ABLIM2: variants seen among roughly 807,000 people sequenced by gnomAD.
The protein encoded by ABLIM2 is actin-binding LIM protein 2.
ABLIM2 carries 53 observed loss-of-function variants against 97.7 expected under a neutral mutation model. The observed-to-expected ratio is 0.54, with a 90% confidence interval of 0.44 to 0.68. The LOEUF (loss-of-function observed/expected upper bound fraction) is 0.68. Ranked by LOEUF, ABLIM2 falls within the 30% of genes least tolerant of loss-of-function variation. The pLI, the probability that ABLIM2 is intolerant of heterozygous loss-of-function variation, is 0.00. For synonymous variants in ABLIM2, 361 were observed against 345.8 expected, an observed-to-expected ratio of 1.04 and a Z score of -0.49; for missense variants, 835 against 867.2, an observed-to-expected ratio of 0.96 and a Z score of 0.47.
intron 1 of ABLIM2, among the ~76,000 whole-genome samples, chr4:8,143,585 T>G (rs1851352902): frequency 6.6e-6 from 1 of 152,092 alleles, no homozygotes; most frequent in Admixed American, 6.5e-5. Context: ...GGATGTCACC[T>G]CCTTCAGGAA....
At chr4:8,093,887 T>C (rs927371577) in intron 3 of ABLIM2, among the ~76,000 whole-genome samples, 1 of 152,266 alleles carries the variant, frequency 6.6e-6, no homozygotes, top group South Asian at 2.1e-4. Flanking sequence ...CATTTGTTTA[T>C]AGTTTTCACC....
rs143227813 is a variant in ABLIM2 at position 8,140,043 on chromosome 4, G to C, written c.10+18637C>G. Among the ~76,000 whole-genome samples, 1 of 146,912 alleles carries C rather than the reference G, an allele frequency of 6.8e-6. No homozygotes were observed. Among genetic ancestry groups the C allele is most frequent in the African/African-American group, 2.5e-5 (1 of 39,568 alleles). On this transcript the variant is annotated intron_variant, in intron 1 of 20. Transcript: ENST00000447017. This position sits in a 1 kb window ranked among gnomAD's most constrained non-coding sequence, Gnocchi z 5.9. ...TACATGTTCTCACTTACAAGTGGGA[G>C]CTGAACAGTGAGAACACATGGAAAC...
rs534737842 is a variant in ABLIM2, at chr4:8,074,469, A to G, written c.675+3159T>C. On this transcript the variant is annotated intron_variant, in intron 6 of 20. Coordinates refer to ENST00000447017, the MANE Select transcript of ABLIM2 (RefSeq NM_001130083.2). ...CCCATCTCTAAAAAAAGAAATTTAA[A>G]AAAGCAAGATCCCATGTTTCCACCT... Among the ~76,000 whole-genome samples, 21 of 152,302 alleles carry G rather than the reference A, an allele frequency of 1.4e-4. No homozygotes were observed. In the South Asian group the frequency reaches 4.3e-3, roughly 32 times the overall value.
Position 8,089,477 on chromosome 4 carries a change from G to T in ABLIM2, c.339-1193C>A, listed in dbSNP as rs550065250. 5.5e-4 allele frequency among the ~76,000 whole-genome samples: 83 copies of T among 152,246 alleles called. 1 individual carries two copies. The highest frequency in any genetic ancestry group is 1.7e-3 in the African/African-American group (70 of 41,534). ...TGGCCAGGCGCAGTGGCTCACACTT[G>T]TAATCCCAGCACTTTGGGAGGCTGA... On this transcript the variant is annotated intron_variant, in intron 3 of 20. Transcript: ENST00000447017.
At chr4:7,990,761 G>A (rs769044477) in intron 17 of ABLIM2, among the ~76,000 whole-genome samples, 13 of 152,242 alleles carry the variant, frequency 8.5e-5, no homozygotes, top group Non-Finnish European at 1.5e-4. Flanking sequence ...GAGCAGGGCC[G>A]CCCTGAAAAA....
chr4:8,114,908 C>T (rs759199131), intron 1 of ABLIM2, among the ~76,000 whole-genome samples: 1 of 152,216 alleles, frequency 6.6e-6, no homozygotes, highest in Non-Finnish European at 1.5e-5. Context: ...TCCCGGGGCC[C>T]ACCCAGCTTT....
rs1187134046 is a variant in ABLIM2, at chr4:8,130,520, A to G, written c.11-23883T>C. 6.6e-6 allele frequency among the ~76,000 whole-genome samples: 1 copy of G among 151,934 alleles called. No individual in the cohort carries two copies. Among genetic ancestry groups the G allele is most frequent in the Non-Finnish European group, 1.5e-5 (1 of 67,978 alleles). On this transcript the variant is annotated intron_variant, in intron 1 of 20. Transcript: ENST00000447017. The surrounding 1 kb of genome is among the most constrained non-coding windows in gnomAD (Gnocchi z 4.2). ...GCTTTTTAGAATATCAAGTTGTCTA[A>G]GCTTCCCCGAGACACTGTGAGGTGG...
chr4:8,129,617 AC>A (rs2152928902), intron 1 of ABLIM2, among the ~76,000 whole-genome samples: 1 of 152,292 alleles, frequency 6.6e-6, no homozygotes, highest in African/African-American at 2.4e-5. Context: ...AAAGCCCACC[AC>A]ACTGTGCTGT....
intron 1 of ABLIM2, among the ~76,000 whole-genome samples, chr4:8,152,249 C>T (rs151257907): frequency 3.3e-5 from 5 of 152,342 alleles, no homozygotes; most frequent in East Asian, 1.9e-4. Flanking sequence ...AGGCAGACAG[C>T]GCCCGCCTAG....
intron 1 of ABLIM2, among the ~76,000 whole-genome samples, chr4:8,110,729 C>T (rs1839919970): frequency 6.6e-6 from 1 of 152,186 alleles, no homozygotes; most frequent in Non-Finnish European, 1.5e-5. Context: ...GCCCCAATCT[C>T]GCCTGCTGGG....
At chr4:7,974,341 ATCCACCAATCCATCCACTCC>A (rs1730883128) in intron 20 of ABLIM2, among the ~76,000 whole-genome samples, 3 of 148,474 alleles carry the variant, frequency 2.0e-5, no homozygotes, top group Non-Finnish European at 4.5e-5. Flanking sequence ...CCATCCACCC[ATCCACCAATCCATCCACTCC>A]TCCATTCATC....
At chr4:8,020,573 A>T in intron 12 of ABLIM2, 1 of 556,628 alleles carries the variant, frequency 1.8e-6, no homozygotes, top group Middle Eastern at 2.7e-4. Flanking sequence ...TGGGCGGTGA[A>T]CTAAGAACAC....
At chr4:7,979,647 C>T (rs546736360) in intron 20 of ABLIM2, among the ~76,000 whole-genome samples, 50 of 152,220 alleles carry the variant, frequency 3.3e-4, no homozygotes, top group Non-Finnish European at 6.3e-4. Context: ...CCAGAGAAGA[C>T]CCCTTTCCTC....
At chr4:8,051,330 C>T (rs1480176524) in intron 8 of ABLIM2, among the ~76,000 whole-genome samples, 2 of 151,946 alleles carry the variant, frequency 1.3e-5, no homozygotes, top group Non-Finnish European at 2.9e-5. Context: ...GGGCGGATCC[C>T]GAGGTCAAGA....
intron 1 of ABLIM2, among the ~76,000 whole-genome samples, chr4:8,137,272 C>T (rs1282257389): frequency 2.6e-5 from 4 of 152,222 alleles, no homozygotes; most frequent in Non-Finnish European, 4.4e-5. Context: ...CTCAAGGGAT[C>T]CTGAGCTGGG....
intron 7 of ABLIM2, among the ~76,000 whole-genome samples, chr4:8,056,104 C>T (rs1323168022): frequency 2.4e-5 from 1 of 42,334 alleles, no homozygotes; most frequent in Non-Finnish European, 4.6e-5. Context: ...CAGAGCAAGA[C>T]TCTGTCTCAA....
At chr4:7,995,425 C>T (rs891517629) in intron 16 of ABLIM2, among the ~76,000 whole-genome samples, 2 of 152,224 alleles carry the variant, frequency 1.3e-5, no homozygotes, top group Non-Finnish European at 2.9e-5. Flanking sequence ...ACCATGCCTC[C>T]AGGGGCAAGG....
intron 17 of ABLIM2, among the ~76,000 whole-genome samples, chr4:7,987,309 T>A (rs370187115): frequency 5.8e-4 from 88 of 151,132 alleles, no homozygotes; most frequent in African/African-American, 2.0e-3. Flanking sequence ...AAAAAGTAGA[T>A]ATGGGGTCTT....
intron 20 of ABLIM2, among the ~76,000 whole-genome samples, chr4:7,975,372 C>A (rs1226241802): frequency 6.6e-6 from 1 of 152,218 alleles, no homozygotes; most frequent in African/African-American, 2.4e-5. Flanking sequence ...ATTCATCTGA[C>A]CCTCTTCCAT....
Sources: gnomAD v4.1 joint callset for allele counts (sites outside exome capture counted in the v4.1 genomes callset) on GRCh38, gnomAD v4.1.1 for gene constraint, Gnocchi (gnomAD v3.1) non-coding constraint, MANE v1.5 for transcripts, NCBI Gene and HGNC (gene_info 2026-07-23, HGNC 2026-07-21) for gene names.